The following FGGY variants were observed in gnomAD, a reference collection of about 807,000 sequenced individuals.
The protein encoded by FGGY is FGGY carbohydrate kinase domain-containing protein.
FGGY carries 72 observed loss-of-function variants against 71.3 expected under a neutral mutation model. The ratio of observed to expected loss-of-function variants is 1.01; its 90% CI spans 0.84 to 1.23. FGGY has a LOEUF of 1.23. FGGY is among the 50% of genes most tolerant of loss of function. The pLI is 0.00. For missense variants in FGGY, 668 were observed against 682.3 expected (o/e 0.98, Z 0.23); for synonymous variants, 251 against 250.3 (o/e 1.00, Z -0.02).
chr1:59,691,172 G>C (rs934266029), intron 14 of FGGY, among the ~76,000 whole-genome samples: 1 of 152,172 alleles, frequency 6.6e-6, no homozygotes, highest in African/African-American at 2.4e-5. Flanking sequence ...GAGGGTCTTT[G>C]CTGAACATAA....
chr1:59,688,870 C>T (rs1312056581), intron 14 of FGGY, among the ~76,000 whole-genome samples: 1 of 152,028 alleles, frequency 6.6e-6, no homozygotes, highest in Non-Finnish European at 1.5e-5. Flanking sequence ...CTACCTCAGC[C>T]TCCCAAGTAG....
intron 14 of FGGY, among the ~76,000 whole-genome samples, chr1:59,754,311 C>T (rs1226228354): frequency 6.6e-6 from 1 of 152,146 alleles, no homozygotes; most frequent in African/African-American, 2.4e-5. Flanking sequence ...ATATTGTTGT[C>T]TTGGTTAACA....
At chr1:59,565,502 T>C (rs1237329222) in intron 8 of FGGY, among the ~76,000 whole-genome samples, 9 of 152,108 alleles carry the variant, frequency 5.9e-5, no homozygotes, top group Non-Finnish European at 1.3e-4. Flanking sequence ...GCCAGGATGG[T>C]CTCGATCTCC....
intron 6 of FGGY, among the ~76,000 whole-genome samples, chr1:59,484,934 T>C (rs1341760524): frequency 6.6e-6 from 1 of 152,152 alleles, no homozygotes; most frequent in Non-Finnish European, 1.5e-5. Flanking sequence ...GGTTCAAAAA[T>C]CTTGGCCTGC....
chr1:59,443,882 G>A (rs1386638676), intron 5 of FGGY, among the ~76,000 whole-genome samples: 1 of 152,208 alleles, frequency 6.6e-6, no homozygotes, highest in African/African-American at 2.4e-5. Flanking sequence ...TGCAGAGGAA[G>A]CTGGCACCAG....
At chr1:59,568,759 T>G (rs1025441695) in intron 8 of FGGY, among the ~76,000 whole-genome samples, 6 of 152,120 alleles carry the variant, frequency 3.9e-5, no homozygotes, top group African/African-American at 1.4e-4. Context: ...CTGCTTCTCA[T>G]TCTCTGTCTT....
At chr1:59,393,644 C>T (rs1243630000) in intron 5 of FGGY, among the ~76,000 whole-genome samples, 1 of 152,080 alleles carries the variant, frequency 6.6e-6, no homozygotes, top group East Asian at 1.9e-4. Context: ...AGTCTGGCCT[C>T]TGCAGTGGCT....
chr1:59,643,656 C>T (rs1377192688), intron 11 of FGGY, among the ~76,000 whole-genome samples: 4 of 152,070 alleles, frequency 2.6e-5, no homozygotes, highest in Non-Finnish European at 5.9e-5. Flanking sequence ...ACATTGAAAG[C>T]AATAGGGAGT....
intron 4 of FGGY, among the ~76,000 whole-genome samples, chr1:59,355,953 C>G (rs1248504868): frequency 6.6e-6 from 1 of 151,946 alleles, no homozygotes; most frequent in African/African-American, 2.4e-5. Flanking sequence ...AAATTAGTTT[C>G]CAATATTTAA....
intron 7 of FGGY, among the ~76,000 whole-genome samples, chr1:59,531,561 C>G (rs2095144039): frequency 6.6e-6 from 1 of 152,258 alleles, no homozygotes; most frequent in South Asian, 2.1e-4. Flanking sequence ...CATTTCCACC[C>G]TTTTATACGC....
intron 14 of FGGY, among the ~76,000 whole-genome samples, chr1:59,684,348 A>T (rs2097528544): frequency 6.6e-6 from 1 of 152,162 alleles, no homozygotes; most frequent in African/African-American, 2.4e-5. Flanking sequence ...ATTACTCTGC[A>T]ATGGAATGAT....
chr1:59,375,265 G>GAAAAAAAA (rs1289366742), intron 4 of FGGY, among the ~76,000 whole-genome samples: 1 of 99,820 alleles, frequency 1.0e-5, no homozygotes, highest in Non-Finnish European at 2.1e-5. Context: ...TCTCAAAAAA[G>GAAAAAAAA]AAAAAAAAAA....
intron 8 of FGGY, among the ~76,000 whole-genome samples, chr1:59,600,587 G>A (rs927366418): frequency 6.6e-6 from 1 of 152,150 alleles, no homozygotes; most frequent in African/African-American, 2.4e-5. Flanking sequence ...CCAGCTCTTT[G>A]GACACCAAAC....
rs193231504 is a variant in FGGY at position 59,387,387 on chromosome 1, A to G, written c.554+8550A>G. 6.2e-4 allele frequency among the ~76,000 whole-genome samples: 94 copies of G among 152,216 alleles called. 2 individuals are homozygous for G. Among genetic ancestry groups the G allele is most frequent in the African/African-American group, 2.2e-3 (90 of 41,564 alleles). On this transcript the variant is annotated intron_variant, in intron 5 of 15. Transcript: ENST00000303721. Reference sequence around the variant, plus strand: ...ATTTTGTCAAGGGTTTGGGCTTGAAATGGGATCTTATTTTAATTTGCATTT... The same window carrying G: ...ATTTTGTCAAGGGTTTGGGCTTGAAGTGGGATCTTATTTTAATTTGCATTT...
chr1:59,734,235 G>C (rs973308994), intron 14 of FGGY, among the ~76,000 whole-genome samples: 13 of 152,188 alleles, frequency 8.5e-5, no homozygotes, highest in Admixed American at 2.6e-4. Flanking sequence ...ACAGGGTCTT[G>C]CTCTGGTGAC....
chr1:59,592,643 G>C (rs1477058042), intron 8 of FGGY, among the ~76,000 whole-genome samples: 1 of 152,130 alleles, frequency 6.6e-6, no homozygotes, highest in Non-Finnish European at 1.5e-5. Context: ...TGGGGACATG[G>C]ATGAAATTGG....
chr1:59,530,455 C>A (rs942591696), intron 7 of FGGY, among the ~76,000 whole-genome samples: 6 of 152,242 alleles, frequency 3.9e-5, no homozygotes, highest in Middle Eastern at 3.4e-3. Context: ...AGCTCCCATT[C>A]TGATTGGACA....
intron 6 of FGGY, among the ~76,000 whole-genome samples, chr1:59,500,165 C>A (rs2094181024): frequency 6.6e-6 from 1 of 152,148 alleles, no homozygotes; most frequent in African/African-American, 2.4e-5. Flanking sequence ...ATGATCAGAG[C>A]AAATTCCAGG....
At chr1:59,546,529 G>T (rs201060292) in intron 7 of FGGY, among the ~76,000 whole-genome samples, 17,329 of 91,092 alleles carry the variant, frequency 0.19, 1,155 homozygotes, top group South Asian at 0.25. Flanking sequence ...TGATGATGAT[G>T]ATGATGATTA....
Sources: allele counts gnomAD v4.1 joint callset (sites outside exome capture counted in the v4.1 genomes callset), GRCh38; gene constraint gnomAD v4.1.1; transcripts MANE v1.5; gene names NCBI Gene and HGNC (gene_info 2026-07-23, HGNC 2026-07-21).